Variants in YTHDF2 observed in about 807,000 individuals in gnomAD.
The protein encoded by YTHDF2 is YTH N6-methyladenosine RNA binding protein F2, also known as YTH domain-containing family protein 2.
YTHDF2 carries 2 observed loss-of-function variants against 50.4 expected under a neutral mutation model. The observed-to-expected ratio is 0.04, with a 90% confidence interval of 0.02 to 0.12. The LOEUF is 0.12. Ranked by LOEUF, YTHDF2 falls within the 10% of genes least tolerant of loss-of-function variation. The pLI, the probability that YTHDF2 is intolerant of heterozygous loss-of-function variation, is 1.00. For synonymous variants in YTHDF2, 217 were observed against 255.6 expected, an observed-to-expected ratio of 0.85 and a Z score of 1.44; for missense variants, 483 against 722.6, an observed-to-expected ratio of 0.67 and a Z score of 3.80.
At chr1:28,747,232 T>C (rs1157546280) in intron 4 of YTHDF2, among the ~76,000 whole-genome samples, 1 of 152,122 alleles carries the variant, frequency 6.6e-6, no homozygotes, top group Non-Finnish European at 1.5e-5. Flanking sequence ...ATGAGTGCAA[T>C]AGTAAACAGA....
intron 4 of YTHDF2, among the ~76,000 whole-genome samples, chr1:28,745,546 A>G (rs112610817): frequency 5.5e-4 from 83 of 151,882 alleles, no homozygotes; most frequent in African/African-American, 2.0e-3. Context: ...ACCAACATGG[A>G]GAAACCCCGT....
rs754268030 is a variant in YTHDF2, at chr1:28,742,709, T to C, written c.439T>C (p.Ser147Pro). The C allele has an allele frequency of 7.4e-6, 12 of 1,614,052 alleles. No individual in the cohort carries two copies. The Admixed American group carries it at 1.7e-4, about 22-fold the overall frequency. ...TTCTCAGGGACAGTCTACTCAGAGCTCTGGATATAGTAGCAATTATGCTTA... is the reference window on the plus strand; with the variant it reads ...TTCTCAGGGACAGTCTACTCAGAGCCCTGGATATAGTAGCAATTATGCTTA... ...NSSQGQSTQS[S>P]GYSSNYAYAP... Residue 147 changes from serine (S) to proline (P), a missense_variant, in exon 4 of 5, where the codon TCT becomes CCT. This residue lies in a region of YTHDF2 where 385 missense variants were observed against 475.8 expected (regional missense o/e 0.81). Coordinates refer to ENST00000373812, the MANE Select transcript of YTHDF2 (RefSeq NM_016258.3).
At chr1:28,761,127 G>GTTTTTTTTT (rs1350271264) in intron 4 of YTHDF2, among the ~76,000 whole-genome samples, 1 of 59,960 alleles carries the variant, frequency 1.7e-5, no homozygotes, top group African/African-American at 1.1e-4. Flanking sequence ...GTGTGTGTGT[G>GTTTTTTTTT]TGTATTTTTT....
At chr1:28,767,940 C>T (rs1396711739) in intron 4 of YTHDF2, among the ~76,000 whole-genome samples, 4 of 150,618 alleles carry the variant, frequency 2.7e-5, no homozygotes, top group East Asian at 2.0e-4. Flanking sequence ...CGGTGGCTCA[C>T]GCCTCTAATC....
intron 3 of YTHDF2, among the ~76,000 whole-genome samples, chr1:28,741,573 C>T (rs899395034): frequency 2.6e-5 from 4 of 152,156 alleles, no homozygotes; most frequent in African/African-American, 9.7e-5. Context: ...GGATTACAGG[C>T]GGGAGCCACT....
At chr1:28,737,218 C>T (rs1233332427) in intron 1 of YTHDF2, 71 bp downstream of exon 1, 1 of 1,499,360 alleles carries the variant, frequency 6.7e-7, no homozygotes, top group Non-Finnish European at 8.9e-7. Flanking sequence ...CCGGGCCCGC[C>T]GCTCCTGGGC....
chr1:28,742,248 A>G (rs1054055659), intron 3 of YTHDF2, among the ~76,000 whole-genome samples, 155 bp from the exon 4 acceptor site: 10 of 151,320 alleles, frequency 6.6e-5, no homozygotes, highest in Admixed American at 3.3e-4. Flanking sequence ...ACCCGCCTCC[A>G]CCTCCCAAAG....
At chr1:28,757,678 A>C (rs1427881192) in intron 4 of YTHDF2, among the ~76,000 whole-genome samples, 1 of 152,230 alleles carries the variant, frequency 6.6e-6, no homozygotes, top group Admixed American at 6.5e-5. Flanking sequence ...AAATATTTGC[A>C]AGTTTTGCAT....
rs777533243 is a variant in YTHDF2, at chr1:28,743,431, A to G, written c.1161A>G (p.Pro387=). 3.1e-6 allele frequency: 5 copies of G among 1,614,042 alleles called. No homozygotes were observed. The highest frequency in any genetic ancestry group is 1.1e-5 in the South Asian group (1 of 91,086). The change falls in exon 4 of 5, where the codon CCA becomes CCG. Residue 387 remains proline, a synonymous_variant. Coordinates refer to ENST00000373812, the MANE Select transcript of YTHDF2 (RefSeq NM_016258.3). This position sits in a 1 kb window ranked among gnomAD's most constrained non-coding sequence, Gnocchi z 6.9. ...GSGSTPSEPH[P]VLEKLRSINN... ...GATCTACTCCTTCAGAACCCCACCC[A>G]GTGTTGGAGAAGCTTCGGTCCATTA...
intron 4 of YTHDF2, among the ~76,000 whole-genome samples, chr1:28,751,659 C>T (rs1352296386): frequency 3.9e-5 from 6 of 152,174 alleles, no homozygotes; most frequent in Non-Finnish European, 7.3e-5. Flanking sequence ...TATCTCTGAA[C>T]CATGCCCCTT....
chr1:28,763,196 C>T (rs541659938), intron 4 of YTHDF2, among the ~76,000 whole-genome samples: 9 of 152,238 alleles, frequency 5.9e-5, no homozygotes, highest in South Asian at 2.1e-4. Flanking sequence ...ATAGAGATGT[C>T]GACATTATTT....
intron 4 of YTHDF2, among the ~76,000 whole-genome samples, chr1:28,750,106 T>C (rs546527544): frequency 7.0e-6 from 1 of 142,926 alleles, no homozygotes; most frequent in Non-Finnish European, 1.5e-5. Context: ...TTCTCCTGCC[T>C]CAGCCTCCCA....
chr1:28,753,461 T>C lies in YTHDF2; in HGVS notation c.1716+9475T>C, dbSNP rs1301280926. Among the ~76,000 whole-genome samples, 3 of 147,392 alleles carry C rather than the reference T, an allele frequency of 2.0e-5. No individual in the cohort carries two copies. In the East Asian group the frequency reaches 6.3e-4, roughly 31 times the overall value. On this transcript the variant is annotated intron_variant, in intron 4 of 4. Transcript: ENST00000373812. ...TGCTCAGGAGGCTGAGACAGGAGGA[T>C]TGCTTGAGCCCGGGACGTCAAGTCT... is the stretch of plus-strand genomic sequence containing the variant.
At chr1:28,759,656 C>G (rs1451948847) in intron 4 of YTHDF2, among the ~76,000 whole-genome samples, 1 of 152,136 alleles carries the variant, frequency 6.6e-6, no homozygotes, top group Non-Finnish European at 1.5e-5. Context: ...CATTAAAACA[C>G]AGTATAAAAG....
chr1:28,742,047 C>CTTTTTTT (rs67430325), intron 3 of YTHDF2, among the ~76,000 whole-genome samples: 11 of 143,412 alleles, frequency 7.7e-5, no homozygotes, highest in African/African-American at 2.3e-4. Flanking sequence ...GTGCTGCACA[C>CTTTTTTT]TTTTTTTTTT....
chr1:28,748,503 C>CA, intron 4 of YTHDF2, among the ~76,000 whole-genome samples: 1 of 152,170 alleles, frequency 6.6e-6, no homozygotes, highest in East Asian at 1.9e-4. Flanking sequence ...TTTAAAGTTC[C>CA]ATGATTGGGC....
chr1:28,740,852 C>T (rs1200732895), intron 3 of YTHDF2, among the ~76,000 whole-genome samples: 4 of 151,112 alleles, frequency 2.6e-5, no homozygotes, highest in Admixed American at 6.6e-5. Context: ...TACAGGCGCC[C>T]GCCACCATAC....
intron 1 of YTHDF2, 55 bp from the exon 2 acceptor site, chr1:28,737,603 T>C: frequency 2.5e-6 from 4 of 1,613,130 alleles, no homozygotes; most frequent in Non-Finnish European, 3.4e-6. Context: ...TGTTCTTCCT[T>C]TTCCATTTCT....
intron 4 of YTHDF2, among the ~76,000 whole-genome samples, chr1:28,760,075 C>T (rs2124199771): frequency 6.6e-6 from 1 of 152,304 alleles, no homozygotes; most frequent in African/African-American, 2.4e-5. Context: ...ACCACCACAT[C>T]TTGTTCGATT....
Sources: allele counts gnomAD v4.1 joint callset (sites outside exome capture counted in the v4.1 genomes callset), GRCh38; gene constraint gnomAD v4.1.1; regional missense constraint gnomAD v4.1.1; non-coding constraint Gnocchi (gnomAD v3.1); transcripts MANE v1.5; gene names NCBI Gene and HGNC (gene_info 2026-07-23, HGNC 2026-07-21).